PCDHGA6: variants seen among roughly 807,000 people sequenced by gnomAD.
PCDHGA6 encodes the protein protocadherin gamma-A6.
In PCDHGA6, 41 loss-of-function variants were observed where a neutral mutation model predicts 60.6. The observed-to-expected ratio is 0.68, with a 90% CI of 0.53 to 0.88. The LOEUF (loss-of-function observed/expected upper bound fraction) is 0.88. PCDHGA6 is among the 40% of genes least tolerant of loss of function. The probability of loss-of-function intolerance (pLI) is 0.00; values close to 1 mark genes in which losing one functional copy is unlikely to be tolerated. For synonymous variants in PCDHGA6, 594 were observed against 524.4 expected, an observed-to-expected ratio of 1.13 and a Z score of -1.81; for missense variants, 1,312 against 1,203.0, an observed-to-expected ratio of 1.09 and a Z score of -1.34.
At chr5:141,422,640 C>T in intron 1 of PCDHGA6, 1 of 1,612,590 alleles carries the variant, frequency 6.2e-7, no homozygotes, top group South Asian at 1.1e-5. Flanking sequence ...GGGGTGCCTC[C>T]ATCTTCTCAG....
At chr5:141,390,233 T>C (rs1388812754) in intron 1 of PCDHGA6, 1 of 1,614,068 alleles carries the variant, frequency 6.2e-7, no homozygotes, top group Non-Finnish European at 8.5e-7. Flanking sequence ...GTGATTCATC[T>C]GGGGCCTTAT....
chr5:141,383,466 T>G (rs1469908164), intron 1 of PCDHGA6: 1 of 1,613,798 alleles, frequency 6.2e-7, no homozygotes, highest in South Asian at 1.1e-5. Context: ...ACGATGAAAC[T>G]AAGTACCCGG....
intron 1 of PCDHGA6, chr5:141,378,088 T>A (rs1218204650): frequency 6.6e-6 from 1 of 152,252 alleles, no homozygotes; most frequent in African/African-American, 2.4e-5. Context: ...TTATAACTTT[T>A]TTTCAAACTC....
At chr5:141,384,512 G>A (rs1780165876) in intron 1 of PCDHGA6, 1 of 1,614,062 alleles carries the variant, frequency 6.2e-7, no homozygotes, top group Admixed American at 1.7e-5. Context: ...CATGACAGCG[G>A]GGACCCGCCT....
intron 1 of PCDHGA6, chr5:141,393,977 T>C (rs1014126865): frequency 1.9e-6 from 3 of 1,613,870 alleles, no homozygotes; most frequent in Non-Finnish European, 2.5e-6. Flanking sequence ...ACACACGTGA[T>C]AATTTACCTT....
At position 141,453,908 on chromosome 5, in the gene PCDHGA6, A is replaced by T. The variant is rs1198219869; in HGVS notation, c.2425-40899A>T. On this transcript the variant is annotated intron_variant, in intron 1 of 3. Transcript: ENST00000517434. ...CCAATCACATGACTTCTTTCAAAGT[A>T]TGTCAGTGATCAGTCACTGTGTGCC... Among the ~76,000 whole-genome samples, 4 of 152,242 alleles carry T rather than the reference A, an allele frequency of 2.6e-5. No homozygotes were observed. The East Asian group carries it at 5.8e-4, about 22-fold the overall frequency.
intron 1 of PCDHGA6, chr5:141,383,873 C>A: frequency 6.2e-7 from 1 of 1,613,928 alleles, no homozygotes; most frequent in Non-Finnish European, 8.5e-7. Flanking sequence ...CAAGATGGTC[C>A]TGGTAGTCTG....
intron 3 of PCDHGA6, among the ~76,000 whole-genome samples, chr5:141,510,591 A>G (rs1050708244): frequency 6.6e-6 from 1 of 152,176 alleles, no homozygotes; most frequent in Non-Finnish European, 1.5e-5. Flanking sequence ...TACCTGACAT[A>G]CATTTTCTTA....
intron 1 of PCDHGA6, among the ~76,000 whole-genome samples, chr5:141,455,045 C>G (rs1008259013): frequency 6.6e-6 from 1 of 151,798 alleles, no homozygotes; most frequent in Non-Finnish European, 1.5e-5. Context: ...ATCTCCTGAC[C>G]TCGTGATCCG....
intron 1 of PCDHGA6, among the ~76,000 whole-genome samples, chr5:141,488,398 A>T (rs2099675065): frequency 6.6e-6 from 1 of 152,192 alleles, no homozygotes; most frequent in African/African-American, 2.4e-5. Flanking sequence ...GAAACCATGA[A>T]ACCTAGAAGC....
At chr5:141,420,406 T>C (rs2096494414) in intron 1 of PCDHGA6, 1 of 1,241,672 alleles carries the variant, frequency 8.1e-7, no homozygotes, top group Non-Finnish European at 1.1e-6. Context: ...AATTTATGGT[T>C]ATCATTATTA....
At chr5:141,472,980 CAAA>C (rs60579131) in intron 1 of PCDHGA6, among the ~76,000 whole-genome samples, 10 of 86,092 alleles carry the variant, frequency 1.2e-4, no homozygotes, top group Non-Finnish European at 1.2e-4. Context: ...GAGTGAAACT[CAAA>C]AAAAAAAAAA....
At chr5:141,424,525 A>G (rs1010194490) in intron 1 of PCDHGA6, 2 of 152,196 alleles carry the variant, frequency 1.3e-5, no homozygotes, top group Non-Finnish European at 2.9e-5. Context: ...TAGTAAATCC[A>G]TATATAGAAA....
intron 1 of PCDHGA6, among the ~76,000 whole-genome samples, chr5:141,401,328 G>A (rs919361243): frequency 3.3e-5 from 5 of 151,962 alleles, no homozygotes; most frequent in Non-Finnish European, 7.4e-5. Context: ...GGCAACAAGA[G>A]CAAAACTCCA....
rs1460626002 is a variant in PCDHGA6, at chr5:141,486,935, C to A, written c.2425-7872C>A. ...ACTGCCTCCATCAGTTGGTGCTGGC[C>A]ACCTAATCACAAAGGTGACTGCTGT... On this transcript the variant is annotated intron_variant, in intron 1 of 3. Transcript: ENST00000517434. This position sits in a 1 kb window ranked among gnomAD's most constrained non-coding sequence, Gnocchi z 5.0. 5 of 1,614,228 alleles carry A rather than the reference C, an allele frequency of 3.1e-6. No individual in the cohort carries two copies. The highest frequency in any genetic ancestry group is 4.2e-6 in the Non-Finnish European group (5 of 1,180,038).
At position 141,487,198 on chromosome 5, in the gene PCDHGA6, T is replaced by A; in HGVS notation, c.2425-7609T>A. The A allele has an allele frequency of 1.2e-6, 2 of 1,613,854 alleles. No individual in the cohort carries two copies. The highest frequency in any genetic ancestry group is 1.7e-6 in the Non-Finnish European group (2 of 1,179,722). ...AAGACACTCATCCAGTTGTCCCAGATCTTCGAGAATCTTCAGCTCCAAGGG... is the reference window on the plus strand; with the variant it reads ...AAGACACTCATCCAGTTGTCCCAGAACTTCGAGAATCTTCAGCTCCAAGGG... On this transcript the variant is annotated intron_variant, in intron 1 of 3. Transcript: ENST00000517434. The surrounding 1 kb of genome is among the most constrained non-coding windows in gnomAD (Gnocchi z 5.0).
At chr5:141,505,081 G>A (rs2099843521) in intron 2 of PCDHGA6, among the ~76,000 whole-genome samples, 3 of 152,146 alleles carry the variant, frequency 2.0e-5, no homozygotes, top group Admixed American at 2.0e-4. Flanking sequence ...AGAATCGCTT[G>A]AACCCAGGAG....
At position 141,486,038 on chromosome 5, in the gene PCDHGA6, G is replaced by T; in HGVS notation, c.2425-8769G>T. The stretch of plus-strand genomic sequence containing the variant: ...TTTCAGTGGTCATACCCCTGATCGT[G>T]TAAGAAACCTCTTTAGCCTGCACCC... On this transcript the variant is annotated intron_variant, in intron 1 of 3. Coordinates refer to ENST00000517434, the MANE Select transcript of PCDHGA6 (RefSeq NM_018919.3). This position sits in a 1 kb window ranked among gnomAD's most constrained non-coding sequence, Gnocchi z 5.0. The T allele has an allele frequency of 3.1e-6, 5 of 1,614,184 alleles. No individual in the cohort carries two copies. Among genetic ancestry groups the T allele is most frequent in the Non-Finnish European group, 4.2e-6 (5 of 1,180,018 alleles).
chr5:141,437,518 T>C (rs1482415074), intron 1 of PCDHGA6, among the ~76,000 whole-genome samples: 1 of 152,210 alleles, frequency 6.6e-6, no homozygotes, highest in African/African-American at 2.4e-5. Flanking sequence ...ATAAGGCTGA[T>C]GACAAATGAG....
Sources: gnomAD v4.1 joint callset for allele counts (sites outside exome capture counted in the v4.1 genomes callset) on GRCh38, gnomAD v4.1.1 for gene constraint, Gnocchi (gnomAD v3.1) non-coding constraint, MANE v1.5 for transcripts, NCBI Gene and HGNC (gene_info 2026-07-23, HGNC 2026-07-21) for gene names.